Variants in ACTR3 observed in about 807,000 individuals in gnomAD.
ACTR3 encodes actin related protein 3, also known as actin-related protein 3.
ACTR3 carries 12 observed loss-of-function variants against 56.8 expected under a neutral mutation model. The ratio of observed to expected loss-of-function variants is 0.21; its 90% CI spans 0.14 to 0.34. The LOEUF is 0.34. Ranked by LOEUF, ACTR3 falls within the 10% of genes least tolerant of loss-of-function variation. The pLI, the probability that ACTR3 is intolerant of heterozygous loss-of-function variation, is 1.00. For missense variants in ACTR3, 282 were observed against 512.5 expected, an observed-to-expected ratio of 0.55 and a Z score of 4.34; for synonymous variants, 162 against 167.4, an observed-to-expected ratio of 0.97 and a Z score of 0.25.
At chr2:113,947,025 GAGAGTCA>G (rs1680035234) in intron 8 of ACTR3, among the ~76,000 whole-genome samples, 1 of 152,158 alleles carries the variant, frequency 6.6e-6, no homozygotes, top group African/African-American at 2.4e-5. Flanking sequence ...CATTTTAGCG[GAGAGTCA>G]AGAGACGGGA....
At chr2:113,936,302 CAA>C (rs61526382) in intron 6 of ACTR3, among the ~76,000 whole-genome samples, 10,616 of 78,010 alleles carry the variant, frequency 0.14, 637 homozygotes, top group East Asian at 0.38. Flanking sequence ...ACCCTGTCTC[CAA>C]AAAAAAAAAA....
chr2:113,925,194 C>CTTTT (rs771794090), intron 3 of ACTR3, among the ~76,000 whole-genome samples: 11 of 105,198 alleles, frequency 1.0e-4, no homozygotes, highest in African/African-American at 3.4e-4. Flanking sequence ...ATCGTGCCAC[C>CTTTT]TTTTTTTTTT....
At chr2:113,932,997 G>A (rs1679751050) in intron 5 of ACTR3, among the ~76,000 whole-genome samples, 1 of 152,110 alleles carries the variant, frequency 6.6e-6, no homozygotes, top group African/African-American at 2.4e-5. Context: ...TACTTTGTTT[G>A]AGGCTTGGAT....
chr2:113,901,826 T>G (rs951759168), intron 1 of ACTR3, among the ~76,000 whole-genome samples: 2 of 152,210 alleles, frequency 1.3e-5, no homozygotes, highest in Non-Finnish European at 2.9e-5. Flanking sequence ...GAACATTGGC[T>G]TCAAAGTCAC....
intron 7 of ACTR3, among the ~76,000 whole-genome samples, chr2:113,941,074 A>T (rs1444562265): frequency 2.0e-5 from 3 of 152,064 alleles, no homozygotes; most frequent in Non-Finnish European, 4.4e-5. Context: ...TCGGAATCTC[A>T]AAGTGCTGGA....
chr2:113,893,770 A>G (rs575607588), intron 1 of ACTR3, among the ~76,000 whole-genome samples: 1 of 152,236 alleles, frequency 6.6e-6, no homozygotes, highest in South Asian at 2.1e-4. Flanking sequence ...TTGGTAAATT[A>G]GTTCCACTGA....
intron 1 of ACTR3, among the ~76,000 whole-genome samples, chr2:113,905,792 A>G (rs1679181417): frequency 6.6e-6 from 1 of 152,184 alleles, no homozygotes; most frequent in Non-Finnish European, 1.5e-5. Flanking sequence ...CTTATAATGT[A>G]TTCAAGGTTC....
At chr2:113,955,323 A>T in intron 10 of ACTR3, 1 of 205,180 alleles carries the variant, frequency 4.9e-6, no homozygotes, top group Non-Finnish European at 9.7e-6. Context: ...CCTTCTTTTA[A>T]GGTGTTATTT....
chr2:113,926,101 G>A (rs1679615229), intron 3 of ACTR3, among the ~76,000 whole-genome samples: 1 of 152,122 alleles, frequency 6.6e-6, no homozygotes, highest in Non-Finnish European at 1.5e-5. Flanking sequence ...TCACATTTCT[G>A]TTAGGATGCT....
At chr2:113,932,492 G>A (rs1299309128) in intron 5 of ACTR3, among the ~76,000 whole-genome samples, 1 of 152,074 alleles carries the variant, frequency 6.6e-6, no homozygotes, top group Non-Finnish European at 1.5e-5. Flanking sequence ...TCATTCCTCT[G>A]GAGTCGTAAT....
chr2:113,957,627 G>T lies in ACTR3; in HGVS notation c.*172G>T. ...AGTGTATCACCATGCAGATGTAGAAGAGAGCGAAAGTGATTGTGTTTTTCT... is the reference window on the plus strand; with the variant it reads ...AGTGTATCACCATGCAGATGTAGAATAGAGCGAAAGTGATTGTGTTTTTCT... On this transcript the variant is annotated 3_prime_UTR_variant, in exon 12 of 12. Transcript: ENST00000263238. 1 of 480,276 alleles carries T rather than the reference G, an allele frequency of 2.1e-6. No individual in the cohort carries two copies. Among genetic ancestry groups the T allele is most frequent in the Non-Finnish European group, 3.7e-6 (1 of 267,460 alleles). 29.8% of individuals were successfully genotyped at this position (480,276 alleles called of 1,614,324 possible). A position where few individuals can be genotyped will look rare whatever the true frequency, so the allele number is the denominator to read the frequency against.
At chr2:113,952,520 C>T (rs1423763930) in intron 10 of ACTR3, 1 of 151,764 alleles carries the variant, frequency 6.6e-6, no homozygotes, top group Admixed American at 6.6e-5. Flanking sequence ...AATAAAATAC[C>T]TTCTGCTTGG....
chr2:113,933,402 C>T (rs548982194), intron 5 of ACTR3, among the ~76,000 whole-genome samples: 181 of 151,908 alleles, frequency 1.2e-3, no homozygotes, highest in Non-Finnish European at 2.0e-3. Flanking sequence ...CCAGCTACTC[C>T]GGAGGCTGAG....
chr2:113,942,982 GTTTA>G (rs982053143), intron 8 of ACTR3, among the ~76,000 whole-genome samples: 2 of 152,020 alleles, frequency 1.3e-5, no homozygotes, highest in Admixed American at 6.6e-5. Context: ...TTAAAATTTT[GTTTA>G]TTCACTCAGC....
At chr2:113,897,902 A>G (rs143063354) in intron 1 of ACTR3, among the ~76,000 whole-genome samples, 174 of 151,974 alleles carry the variant, frequency 1.1e-3, no homozygotes, top group African/African-American at 4.0e-3. Context: ...CATTACCTAA[A>G]CGTTTTATTT....
chr2:113,938,016 G>C (rs1270594518), intron 6 of ACTR3, among the ~76,000 whole-genome samples: 1 of 151,834 alleles, frequency 6.6e-6, no homozygotes, highest in African/African-American at 2.4e-5. Flanking sequence ...ATGATGCTCT[G>C]TACATTTATT....
At chr2:113,903,480 C>T (rs1212712154) in intron 1 of ACTR3, among the ~76,000 whole-genome samples, 7 of 152,068 alleles carry the variant, frequency 4.6e-5, no homozygotes, top group African/African-American at 9.7e-5. Flanking sequence ...ATTCTTGTGC[C>T]TCAGCTTCCT....
chr2:113,946,501 A>G lies in ACTR3; in HGVS notation c.858+4142A>G, dbSNP rs539346951. Among the ~76,000 whole-genome samples, 187 of 152,068 alleles carry G rather than the reference A, an allele frequency of 1.2e-3. 1 individual carries two copies. Among genetic ancestry groups the G allele is most frequent in the African/African-American group, 4.3e-3 (180 of 41,500 alleles). On this transcript the variant is annotated intron_variant, in intron 8 of 11. Transcript: ENST00000263238. Reference sequence around the variant, plus strand: ...TTTTTCTTAAGATTTTTGGCCACATATATGTCTTCTTTTGAAAATTGTTCA... The same window carrying G: ...TTTTTCTTAAGATTTTTGGCCACATGTATGTCTTCTTTTGAAAATTGTTCA...
chr2:113,927,030 A>G (rs960159729), intron 3 of ACTR3, among the ~76,000 whole-genome samples: 2 of 152,210 alleles, frequency 1.3e-5, no homozygotes, highest in Non-Finnish European at 2.9e-5. Context: ...TTTGTAGGCT[A>G]ACTTATCCTT....
Sources: allele counts gnomAD v4.1 joint callset (sites outside exome capture counted in the v4.1 genomes callset), GRCh38; gene constraint gnomAD v4.1.1; transcripts MANE v1.5; gene names NCBI Gene and HGNC (gene_info 2026-07-23, HGNC 2026-07-21).